Variants in PDK4 observed in about 807,000 individuals in gnomAD.
The protein encoded by PDK4 is pyruvate dehydrogenase kinase 4.
A neutral mutation model predicts 51.7 loss-of-function variants in PDK4; 43 were observed. That is an observed-to-expected ratio of 0.83 (90% CI 0.65 to 1.07). The LOEUF (loss-of-function observed/expected upper bound fraction) is 1.07, where lower values mean the gene tolerates loss of function less well. PDK4 is among the 50% of genes least tolerant of loss of function. The pLI is 0.00. For missense variants in PDK4, 498 were observed against 503.5 expected (o/e 0.99, Z 0.10); for synonymous variants, 170 against 176.6 (o/e 0.96, Z 0.30).
rs1286848506 is a variant in PDK4 at position 95,585,642 on chromosome 7, C to T, written c.1235G>A (p.Ter412=). 2 of 1,608,422 alleles carry T rather than the reference C, an allele frequency of 1.2e-6. No individual in the cohort carries two copies. ...PKNLAKEVAM[*] The stretch of plus-strand genomic sequence containing the variant: ...GTAAAGTGTCCTGAGTGTCCCTCTT[C>T]ACATGGCCACTTCTTTTGCCAGGTT... Residue 412 remains the stop codon, a stop_retained_variant, in exon 11 of 11, where the codon TGA becomes TAA. Coordinates refer to ENST00000005178, the MANE Select transcript of PDK4 (RefSeq NM_002612.4).
At position 95,592,578 on chromosome 7, in the gene PDK4, T is replaced by C. The variant is rs1371737834; in HGVS notation, c.549A>G (p.Ser183=). Residue 183 remains serine, a synonymous_variant, in exon 5 of 11, where the codon TCA becomes TCG. Transcript: ENST00000005178. The part of the protein sequence containing the change: ...MNQHILIFSD[S]QTGNPSHIGS... ...CAATGTGGCTTGGGTTTCCTGTCTG[T>C]GAGTCACTAAATATAAGAACTGTTG... 6.2e-7 allele frequency: 1 copy of C among 1,607,452 alleles called. No homozygotes were observed. Among genetic ancestry groups the C allele is most frequent in the Non-Finnish European group, 8.5e-7 (1 of 1,174,072 alleles).
rs1791563564 is a variant in PDK4 at position 95,592,525 on chromosome 7, A to G, written c.602T>C (p.Val201Ala). 1.2e-6 allele frequency: 2 copies of G among 1,600,898 alleles called. No homozygotes were observed. Among genetic ancestry groups the G allele is most frequent in the Non-Finnish European group, 1.7e-6 (2 of 1,167,956 alleles). ...IGSIDPNCDV[V>A]AVVQDAFECS... The stretch of plus-strand genomic sequence containing the variant: ...ACAGAACATACCTTGGACCACTGCT[A>G]CCACATCACAGTTAGGATCAATGCT... Residue 201 changes from valine to alanine, a missense_variant, in exon 5 of 11, where the codon GTA becomes GCA. Physicochemically the swap from Val to Ala is moderately conservative, Grantham distance 64. Coordinates refer to ENST00000005178, the MANE Select transcript of PDK4 (RefSeq NM_002612.4).
chr7:95,587,332 A>G (rs1791496985), intron 9 of PDK4, 86 bp downstream of exon 9: 1 of 862,150 alleles, frequency 1.2e-6, no homozygotes, highest in African/African-American at 1.7e-5. Flanking sequence ...TTAATTGATG[A>G]ACTTGTCTAA....
At chr7:95,595,324 C>T (rs570789977) in intron 1 of PDK4, among the ~76,000 whole-genome samples, 160 bp from the exon 2 acceptor site, 1 of 152,294 alleles carries the variant, frequency 6.6e-6, no homozygotes, top group South Asian at 2.1e-4. Context: ...CGATTGTCTC[C>T]TTAATTGACT....
chr7:95,593,339 G>T (rs4729202), intron 3 of PDK4, among the ~76,000 whole-genome samples: 1,640 of 152,128 alleles, frequency 0.011, 37 homozygotes, highest in Admixed American at 0.055. Flanking sequence ...TATTTAGGTA[G>T]CTAGAAACTA....
In PDK4 at chr7:95,596,316, G is replaced by A. The variant is rs371162048; in HGVS notation, c.-23C>T. The A allele has an allele frequency of 3.0e-5, 47 of 1,556,382 alleles. No homozygotes were observed. The African/African-American group carries it at 5.7e-4, about 19-fold the overall frequency. ...CATCTTGACGCCCACCCGGCCTGGCGGGGACTGTGGCTGGCTTGAGGGGCG... is the reference window on the plus strand; with the variant it reads ...CATCTTGACGCCCACCCGGCCTGGCAGGGACTGTGGCTGGCTTGAGGGGCG... On this transcript the variant is annotated 5_prime_UTR_variant, in exon 1 of 11. Transcript: ENST00000005178.
chr7:95,586,969 G>A (rs780249020), intron 10 of PDK4, 41 bp downstream of exon 10: 9 of 1,137,260 alleles, frequency 7.9e-6, no homozygotes, highest in Middle Eastern at 2.0e-4. Flanking sequence ...AAGGAGCAAT[G>A]GTTTTAGAAA....
chr7:95,594,209 G>A (rs1283575485), intron 2 of PDK4, among the ~76,000 whole-genome samples: 1 of 152,062 alleles, frequency 6.6e-6, no homozygotes, highest in African/African-American at 2.4e-5. Context: ...TATAATACAT[G>A]TATTTCTTGA....
At position 95,595,162 on chromosome 7, in the gene PDK4, A is replaced by T; in HGVS notation, c.133T>A (p.Ser45Thr). The T allele has an allele frequency of 6.2e-7, 1 of 1,609,060 alleles. No homozygotes were observed. The highest frequency in any genetic ancestry group is 8.5e-7 in the Non-Finnish European group (1 of 1,175,846). ...LSMKQLLDFG[S>T]ENACERTSFA... ...GAAGTTCTTTCACATGCATTTTCTG[A>T]ACCTATAATAAATGAAATCAATTTA... Residue 45 changes from serine (S) to threonine (T), a missense_variant and splice_region_variant, in exon 2 of 11, where the codon TCA (serine) becomes ACA (threonine). Coordinates refer to ENST00000005178, the MANE Select transcript of PDK4 (RefSeq NM_002612.4).
chr7:95,589,006 T>C (rs534253090), intron 7 of PDK4, among the ~76,000 whole-genome samples: 21 of 152,362 alleles, frequency 1.4e-4, no homozygotes, highest in African/African-American at 5.0e-4. Context: ...GAAGCACAAC[T>C]CTACAGGCCT....
chr7:95,593,076 G>A (rs933871091), intron 3 of PDK4, 132 bp from the exon 4 acceptor site: 47 of 516,616 alleles, frequency 9.1e-5, no homozygotes, highest in Non-Finnish European at 1.5e-4. Flanking sequence ...TAAAACATTA[G>A]TCCTTTATTA....
intron 10 of PDK4, among the ~76,000 whole-genome samples, chr7:95,586,197 T>TTTTTTG (rs1554356819): frequency 2.1e-5 from 3 of 146,098 alleles, no homozygotes; most frequent in African/African-American, 7.7e-5. Flanking sequence ...CACCAAGGTT[T>TTTTTTG]TTTTTTTTTT....
chr7:95,591,759 T>A, intron 6 of PDK4, among the ~76,000 whole-genome samples: 1 of 152,208 alleles, frequency 6.6e-6, no homozygotes, highest in Non-Finnish European at 1.5e-5. Context: ...TCCCATATTA[T>A]TTGTTCAAAA....
At position 95,585,601 on chromosome 7, in the gene PDK4, G is replaced by A; in HGVS notation, c.*40C>T. The stretch of plus-strand genomic sequence containing the variant: ...ACATTCAGGAAGCAGCACTGGTGTA[G>A]ACCCACTTTGATCCCGTAAAGTGTC... On this transcript the variant is annotated 3_prime_UTR_variant, in exon 11 of 11. Transcript: ENST00000005178. 2 of 1,563,866 alleles carry A rather than the reference G, an allele frequency of 1.3e-6. No individual in the cohort carries two copies. The highest frequency in any genetic ancestry group is 2.3e-5 in the South Asian group (2 of 85,768).
chr7:95,589,356 C>A (rs1791523883), intron 7 of PDK4, among the ~76,000 whole-genome samples: 1 of 152,178 alleles, frequency 6.6e-6, no homozygotes, highest in Non-Finnish European at 1.5e-5. Context: ...ATGACTAGTT[C>A]TTTAATGGGC....
rs771001378 is a variant in PDK4, at chr7:95,596,174, T to C, written c.120A>G (p.Leu40=). The change falls in exon 1 of 11, where the codon CTA becomes CTG. Residue 40 remains leucine (L), a synonymous_variant. Coordinates refer to ENST00000005178, the MANE Select transcript of PDK4 (RefSeq NM_002612.4). ...YSPSPLSMKQ[L]LDFGSENACE... is the part of the protein sequence containing the mutation. ...TGTGTCCCCTCTCACCAAAGTCCAG[T>C]AGCTGCTTCATGGACAGCGGGGACG... 4 of 1,603,206 alleles carry C rather than the reference T, an allele frequency of 2.5e-6. No individual in the cohort carries two copies. The highest frequency in any genetic ancestry group is 1.4e-5 in the African/African-American group (1 of 73,284).
Position 95,596,302 on chromosome 7 carries a change from C to G in PDK4, c.-9G>C, listed in dbSNP as rs973211906. The G allele has an allele frequency of 2.6e-6, 4 of 1,566,350 alleles. No homozygotes were observed. The highest frequency in any genetic ancestry group is 1.9e-5 in the Admixed American group (1 of 53,326). The stretch of plus-strand genomic sequence containing the variant: ...AAGCGGGCCGCCTTCATCTTGACGC[C>G]CACCCGGCCTGGCGGGGACTGTGGC... On this transcript the variant is annotated 5_prime_UTR_variant, in exon 1 of 11. Transcript: ENST00000005178.
At chr7:95,590,635 T>C (rs1331321030) in intron 6 of PDK4, among the ~76,000 whole-genome samples, 2 of 152,232 alleles carry the variant, frequency 1.3e-5, no homozygotes, top group Admixed American at 6.5e-5. Context: ...TTATTTGCTC[T>C]TCTACTTTTG....
chr7:95,589,273 C>T (rs1173556102), intron 7 of PDK4, among the ~76,000 whole-genome samples: 1 of 152,174 alleles, frequency 6.6e-6, no homozygotes, highest in African/African-American at 2.4e-5. Flanking sequence ...TAGGACCAGC[C>T]TGTGGGGGTG....
Sources: gnomAD v4.1 joint callset for allele counts (sites outside exome capture counted in the v4.1 genomes callset) on GRCh38, gnomAD v4.1.1 for gene constraint, MANE v1.5 for transcripts, NCBI Gene and HGNC (gene_info 2026-07-23, HGNC 2026-07-21) for gene names.